Variants in KCNN2 observed in about 807,000 individuals in gnomAD.
The protein encoded by KCNN2 is small conductance calcium-activated potassium channel protein 2.
Under a neutral mutation model 55.5 loss-of-function variants are expected in KCNN2, and 24 were observed. The ratio of observed to expected loss-of-function variants is 0.43; its 90% CI spans 0.31 to 0.61. The LOEUF (loss-of-function observed/expected upper bound fraction) is 0.61, where lower values mean the gene tolerates loss of function less well. KCNN2 is among the 20% of genes least tolerant of loss of function. KCNN2 has a pLI of 0.08. For missense variants in KCNN2, 754 were observed against 853.6 expected (o/e 0.88, Z 1.45); for synonymous variants, 431 against 336.1 (o/e 1.28, Z -3.09).
chr5:114,103,555 G>T (rs1436870822), intron 1 of KCNN2, among the ~76,000 whole-genome samples: 1 of 152,150 alleles, frequency 6.6e-6, no homozygotes, highest in African/African-American at 2.4e-5. Context: ...GATATTGGCT[G>T]TGGGTCTGTC....
At chr5:114,383,303 AT>A (rs966525222) in intron 2 of KCNN2, among the ~76,000 whole-genome samples, 1 of 151,894 alleles carries the variant, frequency 6.6e-6, no homozygotes, top group Admixed American at 6.6e-5. Context: ...GTATTTGGTG[AT>A]TCTCTCAAAT....
intron 1 of KCNN2, among the ~76,000 whole-genome samples, chr5:114,199,498 C>T (rs1753625592): frequency 6.6e-6 from 1 of 151,560 alleles, no homozygotes. Flanking sequence ...TATTTGTTTC[C>T]ATCTTTTTCA....
chr5:114,240,597 A>C (rs1311126121), intron 2 of KCNN2, among the ~76,000 whole-genome samples: 1 of 151,926 alleles, frequency 6.6e-6, no homozygotes, highest in African/African-American at 2.4e-5. Flanking sequence ...ATGCCCGTCT[A>C]ATTTTTGTAT....
intron 3 of KCNN2, among the ~76,000 whole-genome samples, chr5:114,409,419 CT>C (rs1033097247): frequency 1.6e-4 from 25 of 151,976 alleles, no homozygotes; most frequent in Admixed American, 3.9e-4. Flanking sequence ...TTTTCTGACC[CT>C]TTTTTTTCCC....
chr5:114,374,325 G>A (rs1014939946), intron 2 of KCNN2, among the ~76,000 whole-genome samples: 21 of 152,204 alleles, frequency 1.4e-4, no homozygotes, highest in Non-Finnish European at 4.4e-5. Flanking sequence ...CCTGCTGAAA[G>A]GATAAGAGGT....
At chr5:114,475,458 G>A (rs1235952869) in intron 5 of KCNN2, among the ~76,000 whole-genome samples, 1 of 152,040 alleles carries the variant, frequency 6.6e-6, no homozygotes, top group Admixed American at 6.6e-5. Flanking sequence ...ACAAGGATTT[G>A]ACATCTTAGA....
chr5:114,263,612 C>G (rs1755154287), intron 2 of KCNN2, among the ~76,000 whole-genome samples: 1 of 152,128 alleles, frequency 6.6e-6, no homozygotes, highest in African/African-American at 2.4e-5. Context: ...GTAAGCCTCT[C>G]TGTCTCCCAA....
intron 3 of KCNN2, among the ~76,000 whole-genome samples, chr5:114,422,100 G>A (rs904224955): frequency 1.3e-5 from 2 of 152,168 alleles, no homozygotes; most frequent in African/African-American, 4.8e-5. Context: ...CAACATCAGT[G>A]CTAGGCACAA....
intron 2 of KCNN2, among the ~76,000 whole-genome samples, chr5:114,295,923 T>C (rs765830197): frequency 4.6e-5 from 7 of 152,324 alleles, no homozygotes; most frequent in Admixed American, 6.5e-5. Context: ...GGATAAATAA[T>C]ATTTCAAGAT....
At chr5:114,111,426 G>A (rs2112583293) in intron 1 of KCNN2, among the ~76,000 whole-genome samples, 1 of 152,254 alleles carries the variant, frequency 6.6e-6, no homozygotes, top group South Asian at 2.1e-4. Flanking sequence ...CATGGGCAAA[G>A]ACTTCATGAC....
intron 2 of KCNN2, among the ~76,000 whole-genome samples, chr5:114,250,578 G>T (rs1754838383): frequency 6.6e-6 from 1 of 152,198 alleles, no homozygotes; most frequent in East Asian, 1.9e-4. Context: ...AAAAGGTAGA[G>T]TGCACAGGGC....
intron 1 of KCNN2, among the ~76,000 whole-genome samples, chr5:114,185,204 C>T (rs1753307594): frequency 6.6e-6 from 1 of 152,200 alleles, no homozygotes; most frequent in African/African-American, 2.4e-5. Context: ...AGTTCAAGGC[C>T]TGCTCTGCCA....
intron 1 of KCNN2, among the ~76,000 whole-genome samples, chr5:114,187,086 A>C (rs1753348671): frequency 6.6e-6 from 1 of 152,226 alleles, no homozygotes; most frequent in Non-Finnish European, 1.5e-5. Context: ...ATAACATTAG[A>C]AAAATCTATT....
intron 2 of KCNN2, among the ~76,000 whole-genome samples, chr5:114,344,328 G>C (rs989003966): frequency 6.6e-6 from 1 of 152,190 alleles, no homozygotes. Flanking sequence ...ACTCCCTGAA[G>C]ACTGTATACT....
At position 114,496,318 on chromosome 5, in the gene KCNN2, A is replaced by C; in HGVS notation, c.*136A>C. The C allele has an allele frequency of 8.6e-6, 8 of 928,456 alleles. No homozygotes were observed. The highest frequency in any genetic ancestry group is 1.3e-5 in the Non-Finnish European group (8 of 635,794). The allele number at this position is 928,456 out of a possible 1,614,324, so 57.5% of individuals were successfully genotyped here. On this transcript the variant is annotated 3_prime_UTR_variant, in exon 8 of 8. Coordinates refer to ENST00000673685, the MANE Select transcript of KCNN2 (RefSeq NM_021614.4). ...TCAGAATCCTGGGAACCTGAACACT[A>C]AGTTTTAGGCCAAAATGAGTGAAAA...
Position 114,122,282 on chromosome 5 carries a change from C to T in KCNN2, c.-271+65782C>T, listed in dbSNP as rs188912325. ...GTAATAACAGCATTGCTACCTTTTT[C>T]TCCCAGAAGGCAGTATGAAAGAGCC... is the stretch of plus-strand genomic sequence containing the variant. On this transcript the variant is annotated intron_variant, in intron 1 of 10. Transcript: ENST00000512097. Among the ~76,000 whole-genome samples, 605 of 152,208 alleles carry T rather than the reference C, an allele frequency of 4.0e-3. 4 individuals carry two copies. The highest frequency in any genetic ancestry group is 0.01 in the Middle Eastern group (3 of 292).
At chr5:114,387,013 A>G (rs1758309918) in intron 2 of KCNN2, among the ~76,000 whole-genome samples, 1 of 152,146 alleles carries the variant, frequency 6.6e-6, no homozygotes, top group Admixed American at 6.5e-5. Context: ...GTCATTCCCT[A>G]CAGCATTTAG....
intron 2 of KCNN2, among the ~76,000 whole-genome samples, chr5:114,395,612 C>T (rs1758591457): frequency 6.6e-6 from 1 of 152,166 alleles, no homozygotes; most frequent in Non-Finnish European, 1.5e-5. Flanking sequence ...GAGAATAGTT[C>T]TACGGTTAGA....
Position 114,377,299 on chromosome 5 carries a change from T to C in KCNN2, c.1218+13298T>C, listed in dbSNP as rs560377103. Among the ~76,000 whole-genome samples the C allele has an allele frequency of 2.6e-5, 4 of 152,206 alleles. No individual in the cohort carries two copies. The East Asian group carries it at 7.7e-4, about 29-fold the overall frequency. ...TTGAGAATACCAGCCACGTCAGGAT[T>C]CCCACTCTGCCTCTGATCCTAAGGG... On this transcript the variant is annotated intron_variant, in intron 2 of 7. Transcript: ENST00000673685.
Sources: gnomAD v4.1 joint callset for allele counts (sites outside exome capture counted in the v4.1 genomes callset) on GRCh38, gnomAD v4.1.1 for gene constraint, MANE v1.5 for transcripts, NCBI Gene and HGNC (gene_info 2026-07-23, HGNC 2026-07-21) for gene names.